PTPRK: variants seen among roughly 807,000 people sequenced by gnomAD.
PTPRK encodes receptor-type tyrosine-protein phosphatase kappa.
PTPRK carries 75 observed loss-of-function variants against 178.0 expected under a neutral mutation model. That is an observed-to-expected ratio of 0.42 (90% CI 0.35 to 0.51). PTPRK has a LOEUF of 0.51. PTPRK is among the 20% of genes least tolerant of loss of function. The pLI, the probability that PTPRK is intolerant of heterozygous loss-of-function variation, is 0.02. For missense variants in PTPRK, 1,441 were observed against 1,797.8 expected (o/e 0.80, Z 3.59); for synonymous variants, 637 against 620.6 (o/e 1.03, Z -0.39).
At chr6:128,167,256 A>G (rs1799553972) in intron 7 of PTPRK, among the ~76,000 whole-genome samples, 1 of 151,954 alleles carries the variant, frequency 6.6e-6, no homozygotes. Flanking sequence ...ACATTAACAC[A>G]GCGTTTGCTG....
rs1238006993 is a variant in PTPRK at position 128,210,619 on chromosome 6, G to T, written c.868+8303C>A. Among the ~76,000 whole-genome samples, 6 of 152,078 alleles carry T rather than the reference G, an allele frequency of 3.9e-5. No homozygotes were observed. The East Asian group carries it at 9.6e-4, about 24-fold the overall frequency. ...TTGCCTGCTGTGGATCAAGGAAGGA[G>T]GTGAGTGATAAAGAACAAATTTGGA... On this transcript the variant is annotated intron_variant, in intron 6 of 29. Coordinates refer to ENST00000368226, the MANE Select transcript of PTPRK (RefSeq NM_002844.4).
intron 13 of PTPRK, among the ~76,000 whole-genome samples, chr6:128,049,118 T>G (rs1582720284): frequency 6.6e-6 from 1 of 152,258 alleles, no homozygotes; most frequent in East Asian, 1.9e-4. Context: ...TCAAATAAAT[T>G]TACCTATATT....
intron 1 of PTPRK, among the ~76,000 whole-genome samples, chr6:128,445,093 G>A (rs999061355): frequency 2.1e-4 from 32 of 150,712 alleles, no homozygotes; most frequent in African/African-American, 6.8e-4. Flanking sequence ...GGCCAGGTGC[G>A]GTAGCTCATG....
intron 10 of PTPRK, among the ~76,000 whole-genome samples, chr6:128,080,495 A>G (rs1323217704): frequency 1.3e-5 from 2 of 152,084 alleles, no homozygotes; most frequent in Non-Finnish European, 2.9e-5. Flanking sequence ...TACTGTCTAG[A>G]TGGAAGAAAA....
intron 1 of PTPRK, among the ~76,000 whole-genome samples, chr6:128,483,220 C>A (rs1302527718): frequency 6.6e-6 from 1 of 152,094 alleles, no homozygotes; most frequent in African/African-American, 2.4e-5. Flanking sequence ...AATTCATTTA[C>A]ATCTTGTTTC....
intron 7 of PTPRK, among the ~76,000 whole-genome samples, chr6:128,159,394 C>A (rs562247969): frequency 9.2e-5 from 14 of 151,916 alleles, no homozygotes; most frequent in Admixed American, 2.6e-4. Flanking sequence ...ATTTTCATCA[C>A]CTTCTGGTTT....
intron 1 of PTPRK, among the ~76,000 whole-genome samples, chr6:128,430,362 C>T (rs1046930605): frequency 2.0e-5 from 3 of 152,136 alleles, no homozygotes; most frequent in Non-Finnish European, 4.4e-5. Flanking sequence ...TCTAAAGTAA[C>T]TAATGAAGAT....
chr6:128,215,078 A>G (rs958611307), intron 6 of PTPRK, among the ~76,000 whole-genome samples: 6 of 152,216 alleles, frequency 3.9e-5, no homozygotes, highest in African/African-American at 1.4e-4. Flanking sequence ...TGACAAACCA[A>G]AAACTGTGCT....
rs147741039 is a variant in PTPRK at position 128,519,797 on chromosome 6, A to G, written c.100+462T>C. Among the ~76,000 whole-genome samples, 847 of 152,298 alleles carry G rather than the reference A, an allele frequency of 5.6e-3. 7 individuals are homozygous for G. Among genetic ancestry groups the G allele is most frequent in the African/African-American group, 0.019 (806 of 41,574 alleles). Reference sequence around the variant, plus strand: ...GTCAGGGGAGGTTATTCCCGGGACAAAAAGCACCTGGCAAAGCGCGCCGAG... The same window carrying G: ...GTCAGGGGAGGTTATTCCCGGGACAGAAAGCACCTGGCAAAGCGCGCCGAG... On this transcript the variant is annotated intron_variant, in intron 1 of 29. Transcript: ENST00000368226. The surrounding 1 kb of genome is among the most constrained non-coding windows in gnomAD (Gnocchi z 4.3).
intron 7 of PTPRK, among the ~76,000 whole-genome samples, chr6:128,168,773 G>A (rs1372998920): frequency 2.6e-5 from 4 of 151,974 alleles, no homozygotes; most frequent in South Asian, 2.1e-4. Flanking sequence ...GGTCCCTGGT[G>A]CCAATAAGGT....
intron 7 of PTPRK, among the ~76,000 whole-genome samples, chr6:128,132,457 C>A (rs1009605279): frequency 1.3e-5 from 2 of 152,196 alleles, no homozygotes; most frequent in Non-Finnish European, 2.9e-5. Context: ...TAGGCGTAAG[C>A]CACAGCGCCC....
chr6:128,012,270 T>C (rs566861621), intron 13 of PTPRK, among the ~76,000 whole-genome samples: 1 of 151,360 alleles, frequency 6.6e-6, no homozygotes, highest in South Asian at 2.1e-4. Flanking sequence ...TGTATTTTTT[T>C]AAGTACTTGG....
chr6:128,285,512 C>CT (rs1822347176), intron 3 of PTPRK, among the ~76,000 whole-genome samples: 2 of 116,978 alleles, frequency 1.7e-5, no homozygotes, highest in African/African-American at 3.3e-5. Context: ...AAGACTCTGT[C>CT]TAAAAAAAAA....
intron 11 of PTPRK, among the ~76,000 whole-genome samples, chr6:128,068,114 A>G (rs1372045197): frequency 6.6e-6 from 1 of 152,244 alleles, no homozygotes; most frequent in Non-Finnish European, 1.5e-5. Context: ...GACACATCAT[A>G]GATTCAGTTC....
At chr6:128,396,534 G>C (rs940665717) in intron 2 of PTPRK, among the ~76,000 whole-genome samples, 4 of 151,916 alleles carry the variant, frequency 2.6e-5, no homozygotes, top group African/African-American at 9.7e-5. Flanking sequence ...TTAATATGCA[G>C]AATTGAAAGC....
chr6:128,463,892 C>T (rs549910823), intron 1 of PTPRK, among the ~76,000 whole-genome samples: 57 of 151,852 alleles, frequency 3.8e-4, no homozygotes, highest in Non-Finnish European at 2.6e-4. Flanking sequence ...GCTGGGATTA[C>T]AGGTGCCTGC....
At chr6:128,037,001 G>C (rs530279457) in intron 13 of PTPRK, among the ~76,000 whole-genome samples, 21 of 152,086 alleles carry the variant, frequency 1.4e-4, no homozygotes, top group African/African-American at 2.2e-4. Flanking sequence ...CAAAGTACTG[G>C]GATTACAGCC....
intron 3 of PTPRK, among the ~76,000 whole-genome samples, chr6:128,258,531 T>C (rs1032554475): frequency 6.6e-6 from 1 of 152,236 alleles, no homozygotes; most frequent in Admixed American, 6.5e-5. Flanking sequence ...TCATTGTATA[T>C]GTACTTTTTC....
intron 1 of PTPRK, among the ~76,000 whole-genome samples, chr6:128,403,310 A>C (rs955215703): frequency 2.0e-5 from 3 of 152,218 alleles, no homozygotes; most frequent in Non-Finnish European, 4.4e-5. Context: ...CTTCATCTTT[A>C]CAGAGAAACA....
Sources: gnomAD v4.1 joint callset for allele counts (sites outside exome capture counted in the v4.1 genomes callset) on GRCh38, gnomAD v4.1.1 for gene constraint, Gnocchi (gnomAD v3.1) non-coding constraint, MANE v1.5 for transcripts, NCBI Gene and HGNC (gene_info 2026-07-23, HGNC 2026-07-21) for gene names.